The following PRC1 variants were observed in gnomAD, a reference collection of about 807,000 sequenced individuals.
The protein encoded by PRC1 is anaphase spindle elongation 1 homolog.
In PRC1, 54 loss-of-function variants were observed where a neutral mutation model predicts 91.2. That is an observed-to-expected ratio of 0.59 (90% CI 0.48 to 0.74). PRC1 has a LOEUF of 0.74. Ranked by LOEUF, PRC1 falls within the 30% of genes least tolerant of loss-of-function variation. The pLI, the probability that PRC1 is intolerant of heterozygous loss-of-function variation, is 0.00. For synonymous variants in PRC1, 275 were observed against 263.6 expected (o/e 1.04, Z -0.42); for missense variants, 727 against 746.2 (o/e 0.97, Z 0.30).
intron 1 of PRC1, among the ~76,000 whole-genome samples, chr15:90,993,353 CGCG>C (rs2040095926): frequency 6.6e-6 from 1 of 151,634 alleles, no homozygotes; most frequent in African/African-American, 2.4e-5. Context: ...GGGGTACAGG[CGCG>C]CCACCAGGGC....
intron 1 of PRC1, chr15:90,987,991 A>T: frequency 6.6e-6 from 1 of 152,188 alleles, no homozygotes; most frequent in East Asian, 1.9e-4. Context: ...CAATACCCAA[A>T]TACTGACAAA....
intron 1 of PRC1, among the ~76,000 whole-genome samples, chr15:90,989,227 G>A (rs2039799317): frequency 6.6e-6 from 1 of 152,014 alleles, no homozygotes; most frequent in African/African-American, 2.4e-5. Context: ...AGCCTCTTTG[G>A]AAAATAGTCT....
intron 1 of PRC1, among the ~76,000 whole-genome samples, chr15:90,990,362 A>C (rs1271206358): frequency 6.8e-6 from 1 of 147,150 alleles, no homozygotes; most frequent in Non-Finnish European, 1.5e-5. Context: ...TAAAATAAAA[A>C]ATAAAATAAA....
At position 90,972,496 on chromosome 15, in the gene PRC1, C is replaced by A. The variant is rs1185847525; in HGVS notation, c.1461+1640G>T. Among the ~76,000 whole-genome samples the A allele has an allele frequency of 2.6e-5, 4 of 152,304 alleles. No homozygotes were observed. In the South Asian group the frequency reaches 8.3e-4, roughly 32 times the overall value. ...CAGTGGCTCACGCCTGTAATCCCAG[C>A]ACTTTGGAAGTCAAGGTGGGTGGAT... On this transcript the variant is annotated intron_variant, in intron 11 of 14. Transcript: ENST00000394249.
chr15:90,968,570 C>T (rs2037750098), intron 14 of PRC1: 4 of 989,868 alleles, frequency 4.0e-6, no homozygotes, highest in Non-Finnish European at 4.8e-6. Context: ...TCCAGTGCTT[C>T]ATCTATGCTT....
intron 14 of PRC1, chr15:90,967,927 A>G (rs1358927507): frequency 6.1e-6 from 6 of 985,352 alleles, no homozygotes; most frequent in Non-Finnish European, 7.2e-6. Flanking sequence ...GGGCCAGAAC[A>G]TATATCTACC....
intron 3 of PRC1, among the ~76,000 whole-genome samples, chr15:90,983,149 A>G (rs556447201): frequency 6.6e-6 from 1 of 152,290 alleles, no homozygotes; most frequent in East Asian, 1.9e-4. Context: ...TGACTCCAGG[A>G]AGCTCCACTT....
Position 90,970,358 on chromosome 15 carries a change from G to C in PRC1, c.1572+46C>G, listed in dbSNP as rs775543064. 2.8e-6 allele frequency: 4 copies of C among 1,422,788 alleles called. No individual in the cohort carries two copies. The Admixed American group carries it at 6.7e-5, about 24-fold the overall frequency. The allele number at this position is 1,422,788 out of a possible 1,614,324, so 88.1% of individuals were successfully genotyped here. A position where few individuals can be genotyped will look rare whatever the true frequency, so the allele number is the denominator to read the frequency against. ...GTAGGTGGGGCCTCTGGGTGAACAGGCTAGGGACGCATGTGAGGATGTGCT... is the reference window on the plus strand; with the variant it reads ...GTAGGTGGGGCCTCTGGGTGAACAGCCTAGGGACGCATGTGAGGATGTGCT... On this transcript the variant is annotated intron_variant, in intron 12 of 14. Transcript: ENST00000394249.
chr15:90,973,364 C>T (rs902224316), intron 11 of PRC1, among the ~76,000 whole-genome samples: 1 of 152,242 alleles, frequency 6.6e-6, no homozygotes, highest in Non-Finnish European at 1.5e-5. Context: ...ATTCTCCATT[C>T]TCGATTAACC....
At position 90,969,082 on chromosome 15, in the gene PRC1, A is replaced by C. The variant is rs963710286; in HGVS notation, c.1788T>G (p.Leu596=). The C allele has an allele frequency of 6.2e-7, 1 of 1,614,134 alleles. No homozygotes were observed. Among genetic ancestry groups the C allele is most frequent in the Non-Finnish European group, 8.5e-7 (1 of 1,179,994 alleles). The part of the protein sequence containing the change: ...PSLSDSSTVG[L]QRELSKASKS... ...ATGCAGGGATTGCCATACAGACCTG[A>C]AGCCCAACAGTGGAACTGTCAGAGA... is the stretch of plus-strand genomic sequence containing the variant. The change falls in exon 14 of 15, where the codon CTT becomes CTG. Residue 596 remains leucine, a synonymous_variant. Transcript: ENST00000394249.
chr15:90,983,888 G>GT (rs1264580513), intron 3 of PRC1, 130 bp downstream of exon 3: 3 of 1,272,190 alleles, frequency 2.4e-6, no homozygotes, highest in Admixed American at 2.3e-5. Context: ...TACACAGCAT[G>GT]TTTTCCCCAC....
chr15:90,990,567 A>G (rs1273784221), intron 1 of PRC1, among the ~76,000 whole-genome samples: 3 of 151,618 alleles, frequency 2.0e-5, no homozygotes, highest in Non-Finnish European at 4.4e-5. Context: ...AATTTGGACC[A>G]TGGGGTGAAA....
rs148391441 is a variant in PRC1, at chr15:90,983,751, T to C, written c.267+267A>G. On this transcript the variant is annotated intron_variant, in intron 3 of 14. Coordinates refer to ENST00000394249, the MANE Select transcript of PRC1 (RefSeq NM_003981.4). ...TTTTCTCAGCGTTTATAAAAAAAAATTCATATTCCCTACAAAGCAAAACTA... is the reference window on the plus strand; with the variant it reads ...TTTTCTCAGCGTTTATAAAAAAAAACTCATATTCCCTACAAAGCAAAACTA... The C allele has an allele frequency of 3.8e-4, 103 of 267,694 alleles. No individual in the cohort carries two copies. In the East Asian group the frequency reaches 7.0e-3, roughly 18 times the overall value. The allele number at this position is 267,694 out of a possible 1,614,324, so 16.6% of individuals were successfully genotyped here.
rs2038526136 is a variant in PRC1, at chr15:90,974,794, T to C, written c.1204-63A>G. 1.3e-6 allele frequency: 2 copies of C among 1,584,518 alleles called. No homozygotes were observed. Among genetic ancestry groups the C allele is most frequent in the African/African-American group, 2.7e-5 (2 of 74,270 alleles). ...TCTTTAGTGCAAAGCCCAAATGAAA[T>C]GATTTCCCTAGAGAGTGACTCCTCC... On this transcript the variant is annotated intron_variant, in intron 9 of 14. Transcript: ENST00000394249. This position sits in a 1 kb window ranked among gnomAD's most constrained non-coding sequence, Gnocchi z 4.6.
rs200286570 is a variant in PRC1, at chr15:90,989,129, TA to T, written c.12-4305del. Among the ~76,000 whole-genome samples the T allele has an allele frequency of 9.0e-3, 1,366 of 151,498 alleles. 25 individuals carry two copies. The highest frequency in any genetic ancestry group is 0.031 in the African/African-American group (1,284 of 41,326). On this transcript the variant is annotated intron_variant, in intron 1 of 14. Transcript: ENST00000394249. ...CTTCATAGCCAACAGGATGGTATAA[TA>T]AAAAAAAATATATAGCAAAAAGTAT...
chr15:90,986,828 A>G (rs907668983), intron 1 of PRC1, among the ~76,000 whole-genome samples: 5 of 151,790 alleles, frequency 3.3e-5, no homozygotes, highest in African/African-American at 1.2e-4. Context: ...TATACCTCAA[A>G]TCTTTTCATT....
Position 90,976,736 on chromosome 15 carries a change from TC to T in PRC1, c.1142del (p.Arg381GlnfsTer6). ...TTTCTTCTTTTAGAAGATTTCCTCC[TC>T]GGTTTGTAAATCGATTTGGATCTGA... The part of the protein sequence containing the change: ...KASDPNRFTN[R>X]GGNLLKEEKQ... On this transcript the variant is annotated frameshift_variant, in exon 9 of 15. Coordinates refer to ENST00000394249, the MANE Select transcript of PRC1 (RefSeq NM_003981.4). LOFTEE classifies it high-confidence loss of function. 6.2e-7 allele frequency: 1 copy of T among 1,613,816 alleles called. No individual in the cohort carries two copies. The highest frequency in any genetic ancestry group is 8.5e-7 in the Non-Finnish European group (1 of 1,179,752).
chr15:90,968,197 A>T (rs2037702438), intron 14 of PRC1: 2 of 985,324 alleles, frequency 2.0e-6, no homozygotes, highest in African/African-American at 3.5e-5. Flanking sequence ...TGAACAAGCG[A>T]AAAAGAGAAA....
rs747438329 is a variant in PRC1 at position 90,974,220 on chromosome 15, CTCTG to C, written c.1373_1376del (p.Thr458ArgfsTer30). ...GAGCGCTGCCATACAGCATCTCTGT[CTCTG>C]TCTGTTTTTTGTTCTTCAGTTGCTG... is the stretch of plus-strand genomic sequence containing the variant. On this transcript the variant is annotated frameshift_variant, in exon 11 of 15. Coordinates refer to ENST00000394249, the MANE Select transcript of PRC1 (RefSeq NM_003981.4). LOFTEE classifies it high-confidence loss of function. This position sits in a 1 kb window ranked among gnomAD's most constrained non-coding sequence, Gnocchi z 4.6. 10 of 1,614,068 alleles carry C rather than the reference CTCTG, an allele frequency of 6.2e-6. No homozygotes were observed. Among genetic ancestry groups the C allele is most frequent in the Non-Finnish European group, 5.9e-6 (7 of 1,180,026 alleles).
Sources: gnomAD v4.1 joint callset for allele counts (sites outside exome capture counted in the v4.1 genomes callset) on GRCh38, gnomAD v4.1.1 for gene constraint, Gnocchi (gnomAD v3.1) non-coding constraint, MANE v1.5 for transcripts, NCBI Gene and HGNC (gene_info 2026-07-23, HGNC 2026-07-21) for gene names.